SH2B3: variants seen among roughly 807,000 people sequenced by gnomAD.
SH2B3 encodes SH2B adaptor protein 3, also known as SH2B adapter protein 3.
A neutral mutation model predicts 51.9 loss-of-function variants in SH2B3; 43 were observed. That is an observed-to-expected ratio of 0.83 (90% CI 0.65 to 1.07). The LOEUF is 1.07. SH2B3 is among the 50% of genes least tolerant of loss of function. The pLI, the probability that SH2B3 is intolerant of heterozygous loss-of-function variation, is 0.00. For missense variants in SH2B3, 952 were observed against 834.3 expected (o/e 1.14, Z -1.74); for synonymous variants, 396 against 376.0 (o/e 1.05, Z -0.62).
chr12:111,408,979 G>C (rs1244883637), intron 1 of SH2B3, among the ~76,000 whole-genome samples: 1 of 152,182 alleles, frequency 6.6e-6, no homozygotes, highest in Admixed American at 6.5e-5. Flanking sequence ...AAAACAAGAG[G>C]CTTTTCCTGC....
intron 2 of SH2B3, chr12:111,444,665 T>G: frequency 2.2e-6 from 2 of 901,914 alleles, no homozygotes; most frequent in Non-Finnish European, 2.7e-6. Context: ...CCCCCAGGTT[T>G]GAGCTTGTCT....
Position 111,418,414 on chromosome 12 carries a change from G to C in SH2B3, c.269G>C (p.Arg90Pro). 1.3e-6 allele frequency: 2 copies of C among 1,483,916 alleles called. No individual in the cohort carries two copies. Among genetic ancestry groups the C allele is most frequent in the Non-Finnish European group, 1.8e-6 (2 of 1,122,818 alleles). The allele number at this position is 1,483,916 out of a possible 1,614,324, so 91.9% of individuals were successfully genotyped here. ...RDGRAPGRDYRDTGRGPPAKA... is the reference protein window; with the variant it reads ...RDGRAPGRDYPDTGRGPPAKA... ...GGACGGGCGCCGGGCCGCGACTACCGGGACACAGGCCGTGGGCCCCCAGCC... is the reference window on the plus strand; with the variant it reads ...GGACGGGCGCCGGGCCGCGACTACCCGGACACAGGCCGTGGGCCCCCAGCC... Residue 90 changes from arginine to proline, a missense_variant, in exon 2 of 8, where the codon CGG becomes CCG. Transcript: ENST00000341259. This position sits in a 1 kb window ranked among gnomAD's most constrained non-coding sequence, Gnocchi z 6.7.
intron 2 of SH2B3, among the ~76,000 whole-genome samples, chr12:111,434,464 T>G (rs910922971): frequency 5.9e-5 from 9 of 152,256 alleles, no homozygotes; most frequent in Non-Finnish European, 1.2e-4. Flanking sequence ...TGCCTTTTTC[T>G]TGATTTGTGA....
intron 1 of SH2B3, among the ~76,000 whole-genome samples, chr12:111,415,190 G>A (rs1280792148): frequency 6.6e-6 from 1 of 152,254 alleles, no homozygotes; most frequent in African/African-American, 2.4e-5. Context: ...CACTGGAGTG[G>A]CACTGCTGTT....
At chr12:111,431,137 GC>G (rs1217946603) in intron 2 of SH2B3, among the ~76,000 whole-genome samples, 1 of 152,140 alleles carries the variant, frequency 6.6e-6, no homozygotes, top group Non-Finnish European at 1.5e-5. Context: ...GGAGGCTGTG[GC>G]CCCCGCCCAC....
Position 111,448,075 on chromosome 12 carries a change from C to T in SH2B3, c.1501C>T (p.Leu501Phe), listed in dbSNP as rs529644866. The change falls in exon 8 of 8, where the codon CTT becomes TTT. Residue 501 changes from leucine (L) to phenylalanine (F), a missense_variant. Coordinates refer to ENST00000341259, the MANE Select transcript of SH2B3 (RefSeq NM_005475.3). ...GGGTTCAGAGTTGGGCCTTCCCCAC[C>T]TTAGTTCTTCTGGCTGTCCCCGGGG... ...HWGSELGLPH[L>F]SSSGCPRGLS... The T allele has an allele frequency of 2.9e-5, 47 of 1,613,932 alleles. No homozygotes were observed. The highest frequency in any genetic ancestry group is 3.9e-5 in the Non-Finnish European group (46 of 1,179,938).
At chr12:111,424,418 C>T (rs557956171) in intron 2 of SH2B3, among the ~76,000 whole-genome samples, 54 of 152,152 alleles carry the variant, frequency 3.5e-4, no homozygotes, top group Non-Finnish European at 6.2e-4. Context: ...TGACTTCGGG[C>T]GGAGAGCCCA....
chr12:111,416,749 C>T (rs1202721823), intron 1 of SH2B3, among the ~76,000 whole-genome samples: 1 of 152,228 alleles, frequency 6.6e-6, no homozygotes, highest in Non-Finnish European at 1.5e-5. Context: ...CTGCCTCGGC[C>T]TCCCAGAGTG....
Position 111,435,637 on chromosome 12 carries a change from G to A in SH2B3, c.733-11116G>A, listed in dbSNP as rs1195663611. Among the ~76,000 whole-genome samples the A allele has an allele frequency of 4.6e-5, 7 of 152,106 alleles. No homozygotes were observed. The highest frequency in any genetic ancestry group is 1.9e-4 in the East Asian group (1 of 5,192). ...ACCTCCCAAAGTGCTCGTTACAGGC[G>A]TGAACAACCCCCACCCACTGCAGGG... is the stretch of plus-strand genomic sequence containing the variant. On this transcript the variant is annotated intron_variant, in intron 2 of 7. Coordinates refer to ENST00000341259, the MANE Select transcript of SH2B3 (RefSeq NM_005475.3). The surrounding 1 kb of genome is among the most constrained non-coding windows in gnomAD (Gnocchi z 4.8).
intron 2 of SH2B3, among the ~76,000 whole-genome samples, chr12:111,445,287 T>C (rs1227941782): frequency 1.3e-5 from 2 of 152,108 alleles, no homozygotes; most frequent in Non-Finnish European, 1.5e-5. Flanking sequence ...ACTGGAAAAG[T>C]AGCAGAAGGA....
At chr12:111,421,400 CCTTT>C (rs1406531861) in intron 2 of SH2B3, among the ~76,000 whole-genome samples, 9 of 135,106 alleles carry the variant, frequency 6.7e-5, no homozygotes, top group African/African-American at 2.4e-4. Flanking sequence ...ATAGTGTCTT[CCTTT>C]TTTTTTTTTT....
chr12:111,424,956 G>A (rs1386048510), intron 2 of SH2B3, among the ~76,000 whole-genome samples: 1 of 152,204 alleles, frequency 6.6e-6, no homozygotes, highest in Non-Finnish European at 1.5e-5. Flanking sequence ...AGGAGAGGGA[G>A]CAGATGTAAT....
intron 2 of SH2B3, among the ~76,000 whole-genome samples, chr12:111,419,606 C>T (rs140818352): frequency 4.0e-5 from 6 of 151,250 alleles, no homozygotes; most frequent in African/African-American, 1.5e-4. Context: ...CACTGTATTC[C>T]AGCCTTGGTG....
chr12:111,418,023 T>C lies in SH2B3; in HGVS notation c.-27-96T>C, dbSNP rs577156087. 7.9e-5 allele frequency: 73 copies of C among 922,886 alleles called. No homozygotes were observed. The African/African-American group carries it at 1.2e-3, about 15-fold the overall frequency. 57.2% of individuals were successfully genotyped at this position (922,886 alleles called of 1,614,324 possible). A position where few individuals can be genotyped will look rare whatever the true frequency, so the allele number is the denominator to read the frequency against. On this transcript the variant is annotated intron_variant, in intron 1 of 7. Transcript: ENST00000341259. This position sits in a 1 kb window ranked among gnomAD's most constrained non-coding sequence, Gnocchi z 6.7. ...ACCAGCACTGGGTGTTATGGTCGCG[T>C]TGGATTTCTGCTGTGGTGCCCGGTG...
At position 111,447,530 on chromosome 12, in the gene SH2B3, CAG is replaced by C. The variant is rs745517892; in HGVS notation, c.1223_1224del (p.Gln408ArgfsTer47). ...GGAATACGTGCTCACTTTCAACTTT[CAG>C]GGGATAGCCAAGGTATGGGGTGGGG... Reference protein sequence around the residue: ...RGEYVLTFNFQGIAKHLRLSL... With the variant: ...RGEYVLTFNFXGIAKHLRLSL... On this transcript the variant is annotated frameshift_variant, in exon 6 of 8. Transcript: ENST00000341259. LOFTEE classifies it high-confidence loss of function. The C allele has an allele frequency of 1.8e-6, 2 of 1,092,266 alleles. No individual in the cohort carries two copies. Among genetic ancestry groups the C allele is most frequent in the Admixed American group, 2.2e-5 (1 of 44,596 alleles). 67.7% of individuals were successfully genotyped at this position (1,092,266 alleles called of 1,614,324 possible). A position where few individuals can be genotyped will look rare whatever the true frequency, so the allele number is the denominator to read the frequency against.
intron 2 of SH2B3, among the ~76,000 whole-genome samples, chr12:111,424,855 G>A (rs1290222737): frequency 6.6e-6 from 1 of 152,216 alleles, no homozygotes. Context: ...TTAAACAAAA[G>A]GAAAAGAAAG....
chr12:111,420,121 A>G (rs995493571), intron 2 of SH2B3, among the ~76,000 whole-genome samples: 4 of 152,190 alleles, frequency 2.6e-5, no homozygotes, highest in Admixed American at 6.5e-5. Flanking sequence ...CAAAACCTTC[A>G]GAGAATTTCT....
intron 1 of SH2B3, among the ~76,000 whole-genome samples, chr12:111,417,357 C>T (rs1871164301): frequency 6.6e-6 from 1 of 152,080 alleles, no homozygotes; most frequent in Non-Finnish European, 1.5e-5. Flanking sequence ...TAGAAGTGAC[C>T]AGAGTGGGCA....
intron 2 of SH2B3, among the ~76,000 whole-genome samples, chr12:111,445,532 A>AT: frequency 6.6e-6 from 1 of 152,266 alleles, no homozygotes; most frequent in Middle Eastern, 3.4e-3. Flanking sequence ...TCAGGCTGGA[A>AT]TTTTCTAGTC....
Sources: gnomAD v4.1 joint callset for allele counts (sites outside exome capture counted in the v4.1 genomes callset) on GRCh38, gnomAD v4.1.1 for gene constraint, Gnocchi (gnomAD v3.1) non-coding constraint, MANE v1.5 for transcripts, NCBI Gene and HGNC (gene_info 2026-07-23, HGNC 2026-07-21) for gene names.